RYK: variants seen among roughly 807,000 people sequenced by gnomAD.
RYK encodes the protein receptor like tyrosine kinase, also known as inactive tyrosine-protein kinase RYK.
RYK carries 21 observed loss-of-function variants against 70.2 expected under a neutral mutation model. That is an observed-to-expected ratio of 0.30 (90% CI 0.21 to 0.43). The LOEUF is 0.43. Ranked by LOEUF, RYK falls within the 20% of genes least tolerant of loss-of-function variation. The pLI is 1.00. For missense variants in RYK, 604 were observed against 753.3 expected, an observed-to-expected ratio of 0.80 and a Z score of 2.32; for synonymous variants, 267 against 278.0, an observed-to-expected ratio of 0.96 and a Z score of 0.39.
intron 11 of RYK, among the ~76,000 whole-genome samples, chr3:134,176,764 C>A (rs2013111687): frequency 6.6e-6 from 1 of 151,838 alleles, no homozygotes; most frequent in African/African-American, 2.4e-5. Context: ...ACAAAAAAAC[C>A]CTGCAGCTGG....
intron 6 of RYK, 109 bp downstream of exon 6, chr3:134,202,621 A>C: frequency 2.4e-6 from 2 of 849,004 alleles, no homozygotes; most frequent in Non-Finnish European, 3.6e-6. Context: ...CTGGGGCTTA[A>C]TCATCCTCCC....
At chr3:134,188,024 T>C (rs1363201390) in intron 9 of RYK, among the ~76,000 whole-genome samples, 3 of 151,996 alleles carry the variant, frequency 2.0e-5, no homozygotes, top group Admixed American at 1.3e-4. Context: ...AAATAACTTA[T>C]ACACATCAAT....
In RYK at chr3:134,244,043, T is replaced by G. The variant is rs114825482; in HGVS notation, c.232+6380A>C. ...AGTATTGACTTGATTTTAAATAAAATGTGAACATTCTTGACTTTTCCAGAA... is the reference window on the plus strand; with the variant it reads ...AGTATTGACTTGATTTTAAATAAAAGGTGAACATTCTTGACTTTTCCAGAA... On this transcript the variant is annotated intron_variant, in intron 1 of 14. Coordinates refer to ENST00000623711, the MANE Select transcript of RYK (RefSeq NM_002958.4). Among the ~76,000 whole-genome samples, 917 of 152,330 alleles carry G rather than the reference T, an allele frequency of 6.0e-3. 8 individuals carry two copies. Among genetic ancestry groups the G allele is most frequent in the Non-Finnish European group, 8.7e-3 (594 of 68,026 alleles).
At chr3:134,219,988 G>A (rs1340171120) in intron 2 of RYK, among the ~76,000 whole-genome samples, 1 of 152,216 alleles carries the variant, frequency 6.6e-6, no homozygotes, top group Non-Finnish European at 1.5e-5. Context: ...CTTGACAGGG[G>A]AGAAATCTGG....
At chr3:134,202,607 T>A in intron 6 of RYK, 123 bp downstream of exon 6, 1 of 701,302 alleles carries the variant, frequency 1.4e-6, no homozygotes, top group South Asian at 2.3e-5. Context: ...TATTTTTCCT[T>A]TGGCTGGGGC....
At chr3:134,181,902 A>T (rs967937734) in intron 10 of RYK, among the ~76,000 whole-genome samples, 2 of 152,196 alleles carry the variant, frequency 1.3e-5, no homozygotes, top group East Asian at 3.9e-4. Context: ...ACAGTGGCTC[A>T]TGCCTGTAAT....
chr3:134,201,991 C>A (rs2014042082), intron 6 of RYK, among the ~76,000 whole-genome samples: 1 of 152,198 alleles, frequency 6.6e-6, no homozygotes, highest in African/African-American at 2.4e-5. Flanking sequence ...TGAGGCTGGA[C>A]AAGCACCTTT....
intron 9 of RYK, among the ~76,000 whole-genome samples, chr3:134,186,739 C>G (rs1335298118): frequency 6.6e-6 from 1 of 152,130 alleles, no homozygotes; most frequent in African/African-American, 2.4e-5. Flanking sequence ...CTATTATTTC[C>G]TTTTATCTCC....
At chr3:134,175,547 A>G in intron 13 of RYK, 62 bp downstream of exon 13, 1 of 1,537,332 alleles carries the variant, frequency 6.5e-7, no homozygotes, top group Non-Finnish European at 8.8e-7. Flanking sequence ...AAAATAGTAG[A>G]ACATTTAAAA....
chr3:134,188,613 T>A (rs2013547126), intron 9 of RYK, among the ~76,000 whole-genome samples: 1 of 152,250 alleles, frequency 6.6e-6, no homozygotes, highest in Non-Finnish European at 1.5e-5. Flanking sequence ...AAGAAATGTC[T>A]TATGTCTTAA....
At chr3:134,236,532 AT>A (rs2015204497) in intron 1 of RYK, among the ~76,000 whole-genome samples, 1 of 152,194 alleles carries the variant, frequency 6.6e-6, no homozygotes, top group Non-Finnish European at 1.5e-5. Flanking sequence ...TAAAATCCCT[AT>A]CAAACTTCTG....
rs903741320 is a variant in RYK at position 134,202,770 on chromosome 3, A to G, written c.748T>C (p.Leu250=). The G allele has an allele frequency of 8.1e-6, 13 of 1,613,266 alleles. No individual in the cohort carries two copies. Among genetic ancestry groups the G allele is most frequent in the African/African-American group, 1.3e-5 (1 of 74,906 alleles). ...ATCCTTTTCATACTATGAAGGTGCA[A>G]AACAGCTAATATTATTGCTACGAGA... is the stretch of plus-strand genomic sequence containing the variant. ...IFLVAIILAV[L]HLHSMKRIEL... Residue 250 remains leucine, a synonymous_variant, in exon 6 of 15, where the codon TTG becomes CTG. Transcript: ENST00000623711.
chr3:134,227,535 T>C (rs2014945204), intron 1 of RYK, among the ~76,000 whole-genome samples: 1 of 150,740 alleles, frequency 6.6e-6, no homozygotes, highest in Non-Finnish European at 1.5e-5. Context: ...GATGCATAAA[T>C]ATACAGAGAA....
chr3:134,167,987 A>C (rs1027152173), intron 13 of RYK, among the ~76,000 whole-genome samples: 7 of 152,240 alleles, frequency 4.6e-5, no homozygotes, highest in Non-Finnish European at 8.8e-5. Flanking sequence ...TCTCAAAAGA[A>C]GACATTTATG....
intron 6 of RYK, among the ~76,000 whole-genome samples, chr3:134,198,606 GAGTGAGCCCC>G (rs2013889033): frequency 6.6e-6 from 1 of 152,216 alleles, no homozygotes; most frequent in Non-Finnish European, 1.5e-5. Flanking sequence ...AAGTGGGCCA[GAGTGAGCCCC>G]AGTGACAGCT....
chr3:134,189,421 G>A (rs1230074470), intron 8 of RYK, among the ~76,000 whole-genome samples: 1 of 152,098 alleles, frequency 6.6e-6, no homozygotes, highest in East Asian at 1.9e-4. Flanking sequence ...TCTCAGACAA[G>A]CCAATTAGAC....
At chr3:134,241,137 C>T (rs1443228607) in intron 1 of RYK, among the ~76,000 whole-genome samples, 1 of 148,674 alleles carries the variant, frequency 6.7e-6, no homozygotes, top group Non-Finnish European at 1.5e-5. Context: ...GAGTTCGAGA[C>T]CAGTCTGGCC....
intron 13 of RYK, among the ~76,000 whole-genome samples, chr3:134,164,800 T>C (rs1220235489): frequency 2.6e-5 from 4 of 152,242 alleles, no homozygotes; most frequent in East Asian, 3.8e-4. Flanking sequence ...TTTTAAGAAA[T>C]TGCCAAGCTG....
chr3:134,168,580 T>C (rs939566910), intron 13 of RYK, among the ~76,000 whole-genome samples: 4 of 129,050 alleles, frequency 3.1e-5, no homozygotes, highest in African/African-American at 6.0e-5. Flanking sequence ...ATGAGAACAC[T>C]TGGACACAGG....
Sources: allele counts gnomAD v4.1 joint callset (sites outside exome capture counted in the v4.1 genomes callset), GRCh38; gene constraint gnomAD v4.1.1; transcripts MANE v1.5; gene names NCBI Gene and HGNC (gene_info 2026-07-23, HGNC 2026-07-21).